The following NAALADL2 variants were observed in gnomAD, a reference collection of about 807,000 sequenced individuals.
NAALADL2 encodes the protein N-acetylated alpha-linked acidic dipeptidase like 2.
In NAALADL2, 76 loss-of-function variants were observed where a neutral mutation model predicts 87.2. The ratio of observed to expected loss-of-function variants is 0.87; its 90% confidence interval spans 0.72 to 1.05. NAALADL2 has a LOEUF of 1.05. Among genes scored for constraint, NAALADL2 ranks in the 50% least tolerant of loss-of-function variants. The pLI is 0.00. For synonymous variants in NAALADL2, 354 were observed against 331.0 expected (o/e 1.07, Z -0.75); for missense variants, 1,089 against 945.8 (o/e 1.15, Z -1.99).
At chr3:174,654,861 G>A (rs1410865967) in intron 2 of NAALADL2, among the ~76,000 whole-genome samples, 14 of 151,998 alleles carry the variant, frequency 9.2e-5, no homozygotes, top group African/African-American at 2.9e-4. Flanking sequence ...TCAGCCTCCT[G>A]AGTATCTGGG....
chr3:175,393,065 G>C (rs1769265661), intron 5 of NAALADL2, among the ~76,000 whole-genome samples: 2 of 151,850 alleles, frequency 1.3e-5, no homozygotes, highest in African/African-American at 2.4e-5. Context: ...ATGAGGTCAG[G>C]AGATCGAGAC....
intron 9 of NAALADL2, among the ~76,000 whole-genome samples, chr3:175,544,121 C>T (rs1341720547): frequency 3.3e-5 from 5 of 152,060 alleles, no homozygotes; most frequent in Non-Finnish European, 7.3e-5. Flanking sequence ...ATTCTGGGCT[C>T]AGTTGAGTTA....
intron 1 of NAALADL2, among the ~76,000 whole-genome samples, chr3:175,068,052 A>G (rs141963369): frequency 1.4e-3 from 212 of 152,224 alleles, no homozygotes; most frequent in African/African-American, 4.8e-3. Context: ...ACTCCTGGAA[A>G]TAAAGATGGG....
intron 2 of NAALADL2, among the ~76,000 whole-genome samples, chr3:174,632,933 C>CAAAAAAAA (rs56809226): frequency 3.1e-5 from 2 of 63,770 alleles, no homozygotes; most frequent in African/African-American, 5.4e-5. Flanking sequence ...GACTCTGTCT[C>CAAAAAAAA]AAAAAAAAAA....
At chr3:175,497,338 G>A (rs1460464911) in intron 9 of NAALADL2, among the ~76,000 whole-genome samples, 1 of 152,070 alleles carries the variant, frequency 6.6e-6, no homozygotes, top group South Asian at 2.1e-4. Context: ...ATAGATGAAT[G>A]TAAACTTTAC....
chr3:175,751,570 G>C (rs954588937), intron 12 of NAALADL2, among the ~76,000 whole-genome samples: 2 of 152,036 alleles, frequency 1.3e-5, no homozygotes, highest in Non-Finnish European at 1.5e-5. Context: ...GAAGCTGAAG[G>C]CCTGTAGTAT....
chr3:174,476,820 G>A (rs1717245157), intron 1 of NAALADL2, among the ~76,000 whole-genome samples: 1 of 151,996 alleles, frequency 6.6e-6, no homozygotes, highest in Non-Finnish European at 1.5e-5. Flanking sequence ...TGGCTTAAGT[G>A]ATTTCAGGCA....
At chr3:175,600,689 T>C (rs992059424) in intron 10 of NAALADL2, among the ~76,000 whole-genome samples, 26 of 150,998 alleles carry the variant, frequency 1.7e-4, no homozygotes, top group Admixed American at 1.3e-3. Flanking sequence ...AGGCGCCCGC[T>C]ACCACGCCCG....
intron 2 of NAALADL2, among the ~76,000 whole-genome samples, chr3:175,134,751 C>G (rs993470228): frequency 2.0e-5 from 3 of 152,148 alleles, no homozygotes; most frequent in African/African-American, 4.8e-5. Context: ...AGACTATCAT[C>G]ACTTTTCTTA....
intron 5 of NAALADL2, among the ~76,000 whole-genome samples, chr3:175,356,385 C>A (rs1764363251): frequency 6.6e-6 from 1 of 151,688 alleles, no homozygotes; most frequent in South Asian, 2.1e-4. Context: ...GAGTTCAAGA[C>A]CAACATAGTG....
chr3:174,850,855 A>G (rs374571303), intron 3 of NAALADL2, among the ~76,000 whole-genome samples: 12 of 152,240 alleles, frequency 7.9e-5, no homozygotes, highest in African/African-American at 2.6e-4. Flanking sequence ...TAGACCATAT[A>G]TAAGTCCACT....
At chr3:175,149,518 A>T (rs1731240965) in intron 2 of NAALADL2, among the ~76,000 whole-genome samples, 1 of 151,796 alleles carries the variant, frequency 6.6e-6, no homozygotes, top group South Asian at 2.1e-4. Context: ...TCTAGCTAAA[A>T]CATTAGCTAT....
chr3:174,572,786 T>C (rs890588804), intron 2 of NAALADL2, among the ~76,000 whole-genome samples: 2 of 152,162 alleles, frequency 1.3e-5, no homozygotes, highest in East Asian at 3.8e-4. Context: ...GACTAAATCT[T>C]TAATAGTGCA....
At position 175,467,115 on chromosome 3, in the gene NAALADL2, C is replaced by T. The variant is rs956513696; in HGVS notation, c.1464C>T (p.Asp488=). The stretch of plus-strand genomic sequence containing the variant: ...AAGTTAAGAGAGGGTGGAGACCAGA[C>T]CGAACTATTGTTTTCTGTTCTTGGG... ...MSKVKRGWRP[D]RTIVFCSWGG... is the part of the protein sequence containing the mutation. Residue 488 remains aspartate, a synonymous_variant, in exon 8 of 14, where the codon GAC becomes GAT. Transcript: ENST00000454872. 4 of 1,613,740 alleles carry T rather than the reference C, an allele frequency of 2.5e-6. No individual in the cohort carries two copies. In the African/African-American group the frequency reaches 5.3e-5, roughly 22 times the overall value.
At chr3:175,359,778 T>A (rs1160602493) in intron 5 of NAALADL2, among the ~76,000 whole-genome samples, 1 of 152,122 alleles carries the variant, frequency 6.6e-6, no homozygotes, top group African/African-American at 2.4e-5. Context: ...GGTTTATCTT[T>A]TATTTTTCTT....
chr3:174,862,451 G>A (rs1378887206), intron 1 of NAALADL2, among the ~76,000 whole-genome samples: 2 of 152,008 alleles, frequency 1.3e-5, no homozygotes, highest in African/African-American at 4.8e-5. Flanking sequence ...CTCGAAGGAT[G>A]TCCATTTCCT....
rs949500045 is a variant in NAALADL2 at position 175,716,636 on chromosome 3, C to T, written c.1897-20670C>T. Among the ~76,000 whole-genome samples, 6 of 151,966 alleles carry T rather than the reference C, an allele frequency of 3.9e-5. No homozygotes were observed. In the South Asian group the frequency reaches 1.0e-3, roughly 26 times the overall value. On this transcript the variant is annotated intron_variant, in intron 11 of 13. Transcript: ENST00000454872. ...CAAAAAAGTCTTAGAATGTCTGGAA[C>T]ATAAAAGTGATTTAGAGGGAAAGTG...
At chr3:175,008,175 TGAG>T (rs754255285) in intron 1 of NAALADL2, among the ~76,000 whole-genome samples, 8 of 152,072 alleles carry the variant, frequency 5.3e-5, no homozygotes, top group Non-Finnish European at 1.2e-4. Flanking sequence ...GCCAGGAGTT[TGAG>T]ACCAGCCTAG....
At chr3:175,578,496 T>C (rs75367565) in intron 10 of NAALADL2, among the ~76,000 whole-genome samples, 2,316 of 152,278 alleles carry the variant, frequency 0.015, 62 homozygotes, top group African/African-American at 0.051. Context: ...TTACCACTTA[T>C]TGAGTACTTG....
Sources: allele counts gnomAD v4.1 joint callset (sites outside exome capture counted in the v4.1 genomes callset), GRCh38; gene constraint gnomAD v4.1.1; transcripts MANE v1.5; gene names NCBI Gene and HGNC (gene_info 2026-07-23, HGNC 2026-07-21).